The following TULP3 variants were observed in gnomAD, a reference collection of about 807,000 sequenced individuals.
TULP3 encodes tubby-related protein 3.
In TULP3, 38 loss-of-function variants were observed where a neutral mutation model predicts 50.7. The observed-to-expected ratio is 0.75, with a 90% CI of 0.58 to 0.98. TULP3 has a LOEUF of 0.98. TULP3 is among the 50% of genes least tolerant of loss of function. The probability of loss-of-function intolerance (pLI) is 0.00; values close to 1 mark genes in which losing one functional copy is unlikely to be tolerated. For missense variants in TULP3, 550 were observed against 568.0 expected (o/e 0.97, Z 0.32); for synonymous variants, 183 against 196.6 (o/e 0.93, Z 0.58).
At chr12:2,899,664 T>C (rs1032516768) in intron 1 of TULP3, among the ~76,000 whole-genome samples, 27 of 150,942 alleles carry the variant, frequency 1.8e-4, no homozygotes, top group East Asian at 9.9e-4. Context: ...GAGGCCAAGG[T>C]GGGCGGATCA....
intron 7 of TULP3, among the ~76,000 whole-genome samples, chr12:2,933,847 G>A (rs1156285947): frequency 6.6e-6 from 1 of 152,086 alleles, no homozygotes; most frequent in African/African-American, 2.4e-5. Context: ...CTACCCGGGA[G>A]GCTGAAGCAC....
chr12:2,901,443 G>A (rs558564681), intron 1 of TULP3, among the ~76,000 whole-genome samples: 7 of 151,594 alleles, frequency 4.6e-5, no homozygotes, highest in Admixed American at 3.3e-4. Flanking sequence ...GTGCAGTGGC[G>A]TGATCTCAGC....
At chr12:2,930,017 T>C (rs2153950159) in intron 4 of TULP3, among the ~76,000 whole-genome samples, 1 of 152,298 alleles carries the variant, frequency 6.6e-6, no homozygotes, top group Middle Eastern at 3.4e-3. Flanking sequence ...CCCAGAGACT[T>C]CACACCCATT....
In TULP3 at chr12:2,939,325, A is replaced by G. The variant is rs151194786; in HGVS notation, c.1210A>G (p.Met404Val). 5.0e-5 allele frequency: 80 copies of G among 1,614,118 alleles called. No individual in the cohort carries two copies. The highest frequency in any genetic ancestry group is 6.3e-5 in the Non-Finnish European group (74 of 1,180,058). ...TCTGTTTCTAGCTGATTATATAGTC[A>G]TGCAGTTTGGACGTGTGGCAGATGA... ...VHKNDPDYIVMQFGRVADDVF... is the reference protein window; with the variant it reads ...VHKNDPDYIVVQFGRVADDVF... The change falls in exon 11 of 11, where the codon ATG becomes GTG. Residue 404 changes from methionine to valine, a missense_variant. Transcript: ENST00000448120. This position sits in a 1 kb window ranked among gnomAD's most constrained non-coding sequence, Gnocchi z 4.0.
At chr12:2,893,762 T>C (rs16930068) in intron 1 of TULP3, among the ~76,000 whole-genome samples, 2,024 of 152,092 alleles carry the variant, frequency 0.013, 49 homozygotes, top group African/African-American at 0.045. Flanking sequence ...ATGAAGCAGA[T>C]TTATTTTCAA....
chr12:2,921,831 C>G (rs1362962126), intron 3 of TULP3, among the ~76,000 whole-genome samples: 2 of 152,114 alleles, frequency 1.3e-5, no homozygotes, highest in African/African-American at 4.8e-5. Flanking sequence ...TACCTGTGAT[C>G]CCAGCACTTT....
intron 1 of TULP3, among the ~76,000 whole-genome samples, chr12:2,892,940 A>G (rs1349850641): frequency 6.6e-6 from 1 of 150,824 alleles, no homozygotes. Context: ...GGCGATCTCA[A>G]CTAATTTCAA....
chr12:2,913,590 T>G (rs1203297817), intron 2 of TULP3, among the ~76,000 whole-genome samples: 2 of 151,694 alleles, frequency 1.3e-5, no homozygotes, highest in African/African-American at 4.8e-5. Flanking sequence ...GCTTTTACAC[T>G]TTCCGTGGTT....
intron 4 of TULP3, among the ~76,000 whole-genome samples, chr12:2,922,729 A>G (rs2098192485): frequency 6.6e-6 from 1 of 151,410 alleles, no homozygotes; most frequent in South Asian, 2.1e-4. Flanking sequence ...CAACCCCTCT[A>G]CTCCACCTCC....
At position 2,940,470 on chromosome 12, in the gene TULP3, T is replaced by C; in HGVS notation, c.*1026T>C. 6.7e-7 allele frequency: 1 copy of C among 1,487,068 alleles called. No individual in the cohort carries two copies. The highest frequency in any genetic ancestry group is 9.0e-7 in the Non-Finnish European group (1 of 1,116,678). The allele number at this position is 1,487,068 out of a possible 1,614,324, so 92.1% of individuals were successfully genotyped here. A position where few individuals can be genotyped will look rare whatever the true frequency, so the allele number is the denominator to read the frequency against. ...GCACAGAAGGTGTTTTGCTACGTTT[T>C]TTTGATTATTACACCCCTCCACGTA... On this transcript the variant is annotated 3_prime_UTR_variant, in exon 11 of 11. Coordinates refer to ENST00000448120, the MANE Select transcript of TULP3 (RefSeq NM_003324.5).
chr12:2,919,392 A>G (rs1399259391), intron 2 of TULP3, among the ~76,000 whole-genome samples: 1 of 152,072 alleles, frequency 6.6e-6, no homozygotes, highest in Non-Finnish European at 1.5e-5. Flanking sequence ...TTAACTCCCC[A>G]ATCTTTTCCC....
chr12:2,920,827 C>T lies in TULP3; in HGVS notation c.158C>T (p.Pro53Leu). Residue 53 changes from proline (P) to leucine (L), a missense_variant, in exon 3 of 11, where the codon CCA becomes CTA. Coordinates refer to ENST00000448120, the MANE Select transcript of TULP3 (RefSeq NM_003324.5). ...GAGCCATTTATGGTGCAGCCCAATC[C>T]AGAAGCCAGGCTACGTCGGGCAAAG... is the stretch of plus-strand genomic sequence containing the variant. ...RLEPFMVQPN[P>L]EARLRRAKPR... The T allele has an allele frequency of 6.2e-7, 1 of 1,614,118 alleles. No individual in the cohort carries two copies. The highest frequency in any genetic ancestry group is 8.5e-7 in the Non-Finnish European group (1 of 1,180,022).
At chr12:2,897,636 C>T (rs2098176309) in intron 1 of TULP3, among the ~76,000 whole-genome samples, 1 of 151,186 alleles carries the variant, frequency 6.6e-6, no homozygotes, top group South Asian at 2.1e-4. Flanking sequence ...CGTTTGTTCT[C>T]TCTCTCAAGA....
At chr12:2,904,970 A>G (rs1295624712) in intron 1 of TULP3, among the ~76,000 whole-genome samples, 1 of 151,518 alleles carries the variant, frequency 6.6e-6, no homozygotes, top group Non-Finnish European at 1.5e-5. Flanking sequence ...CTGTTATCCC[A>G]GCTGCTTGGG....
chr12:2,917,821 G>A (rs534738077), intron 2 of TULP3, among the ~76,000 whole-genome samples: 2 of 151,636 alleles, frequency 1.3e-5, no homozygotes, highest in South Asian at 2.1e-4. Flanking sequence ...AGCTTGCAGT[G>A]AGCCGAGATC....
intron 2 of TULP3, among the ~76,000 whole-genome samples, chr12:2,914,370 C>T (rs1228310119): frequency 6.6e-6 from 1 of 150,906 alleles, no homozygotes; most frequent in African/African-American, 2.4e-5. Flanking sequence ...GTGATCTGCT[C>T]GCCTCAGCCT....
chr12:2,927,471 A>G (rs1027671391), intron 4 of TULP3, among the ~76,000 whole-genome samples: 2 of 145,206 alleles, frequency 1.4e-5, no homozygotes, highest in African/African-American at 5.2e-5. Flanking sequence ...GGTTCAAGGG[A>G]TTCTCTTGCC....
intron 1 of TULP3, among the ~76,000 whole-genome samples, chr12:2,899,427 A>G (rs1245755803): frequency 2.0e-5 from 3 of 151,390 alleles, no homozygotes; most frequent in Non-Finnish European, 4.4e-5. Flanking sequence ...GATTTGGCCC[A>G]CACGCTATAG....
chr12:2,933,592 A>G (rs936855605), intron 7 of TULP3, 62 bp downstream of exon 7: 2 of 1,002,816 alleles, frequency 2.0e-6, no homozygotes, highest in Non-Finnish European at 3.1e-6. Context: ...ATAGTTGCAG[A>G]ACAGTCCTTA....
Sources: allele counts gnomAD v4.1 joint callset (sites outside exome capture counted in the v4.1 genomes callset), GRCh38; gene constraint gnomAD v4.1.1; non-coding constraint Gnocchi (gnomAD v3.1); transcripts MANE v1.5; gene names NCBI Gene and HGNC (gene_info 2026-07-23, HGNC 2026-07-21).